DPF3: variants seen among roughly 807,000 people sequenced by gnomAD.
DPF3 encodes the protein double PHD fingers 3, also known as zinc finger protein DPF3.
Under a neutral mutation model 56.8 loss-of-function variants are expected in DPF3, and 18 were observed. The ratio of observed to expected loss-of-function variants is 0.32; its 90% confidence interval spans 0.22 to 0.47. The LOEUF (loss-of-function observed/expected upper bound fraction) is 0.47. Among genes scored for constraint, DPF3 ranks in the 20% least tolerant of loss-of-function variants. The pLI is 1.00. For synonymous variants in DPF3, 188 were observed against 180.2 expected (o/e 1.04, Z -0.35); for missense variants, 403 against 488.8 (o/e 0.82, Z 1.65).
intron 1 of DPF3, among the ~76,000 whole-genome samples, chr14:72,865,087 C>A (rs10146616): frequency 0.69 from 105,609 of 152,090 alleles, 38,334 homozygotes; most frequent in East Asian, 0.9. Context: ...GGAGGACATC[C>A]AGGCAGTAGA....
chr14:72,839,579 T>G (rs1884462926), intron 1 of DPF3, among the ~76,000 whole-genome samples: 1 of 152,158 alleles, frequency 6.6e-6, no homozygotes, highest in African/African-American at 2.4e-5. Flanking sequence ...TTGGCCAAAG[T>G]GTCCTCCTTT....
intron 1 of DPF3, among the ~76,000 whole-genome samples, chr14:72,850,339 C>T (rs760140264): frequency 6.6e-6 from 1 of 152,074 alleles, no homozygotes; most frequent in Non-Finnish European, 1.5e-5. Flanking sequence ...CCCTATTCTT[C>T]GTCTCCTACA....
chr14:72,614,894 T>A lies in DPF3; in HGVS notation c.*4403A>T. On this transcript the variant is annotated 3_prime_UTR_variant, in exon 11 of 11. Coordinates refer to ENST00000556509, the MANE Select transcript of DPF3 (RefSeq NM_001280542.3). ...CTCTGCCTTTTTCCACCAGAGATCC[T>A]CACCCCTCCCAAATGCCCTCCCACC... is the stretch of plus-strand genomic sequence containing the variant. 6.7e-6 allele frequency among the ~76,000 whole-genome samples: 1 copy of A among 150,216 alleles called. No homozygotes were observed. Among genetic ancestry groups the A allele is most frequent in the East Asian group, 2.0e-4 (1 of 5,032 alleles).
chr14:72,716,886 C>G (rs1475786908), intron 5 of DPF3, among the ~76,000 whole-genome samples: 2 of 152,144 alleles, frequency 1.3e-5, no homozygotes, highest in Non-Finnish European at 2.9e-5. Flanking sequence ...CTGAGCTGTT[C>G]AAAGAACCCA....
chr14:72,745,131 T>C (rs554109119), intron 3 of DPF3, among the ~76,000 whole-genome samples: 2 of 152,204 alleles, frequency 1.3e-5, no homozygotes, highest in South Asian at 2.1e-4. Context: ...GGTTGGTTGG[T>C]TGGGTTCTTT....
At chr14:72,869,468 C>T (rs768860389) in intron 1 of DPF3, among the ~76,000 whole-genome samples, 14 of 152,134 alleles carry the variant, frequency 9.2e-5, no homozygotes, top group South Asian at 2.1e-4. Flanking sequence ...AAAAGTGAGA[C>T]GCATGCTTGA....
At chr14:72,733,726 A>G (rs551147226) in intron 3 of DPF3, among the ~76,000 whole-genome samples, 1 of 152,136 alleles carries the variant, frequency 6.6e-6, no homozygotes, top group African/African-American at 2.4e-5. Flanking sequence ...GCAAATGGAA[A>G]GAGCAGCACC....
At chr14:72,747,551 C>T (rs1025563403) in intron 3 of DPF3, among the ~76,000 whole-genome samples, 6 of 151,500 alleles carry the variant, frequency 4.0e-5, no homozygotes, top group Admixed American at 1.3e-4. Flanking sequence ...TTTTGGGAGG[C>T]CCGAGGCAGG....
chr14:72,790,820 C>T (rs147915940), intron 1 of DPF3, among the ~76,000 whole-genome samples: 13 of 152,278 alleles, frequency 8.5e-5, no homozygotes, highest in African/African-American at 2.6e-4. Context: ...TCAAGAGCCC[C>T]ATCGCCTCTT....
intron 5 of DPF3, among the ~76,000 whole-genome samples, chr14:72,721,893 A>C (rs529294645): frequency 1.2e-4 from 18 of 152,302 alleles, no homozygotes; most frequent in African/African-American, 4.3e-4. Context: ...CAAGACAAAC[A>C]ACCCAAATTC....
At position 72,847,137 on chromosome 14, in the gene DPF3, C is replaced by T. The variant is rs150008638; in HGVS notation, c.32+46920G>A. ...ATCCAGGAGGGATTCCCCAGATATC[C>T]GTGAGTTGGTGTTTGACTTTCTTGA... On this transcript the variant is annotated intron_variant, in intron 1 of 10. Transcript: ENST00000556509. Among the ~76,000 whole-genome samples, 23 of 152,258 alleles carry T rather than the reference C, an allele frequency of 1.5e-4. No homozygotes were observed. The East Asian group carries it at 2.5e-3, about 17-fold the overall frequency.
chr14:72,856,589 A>T (rs1031382101), intron 1 of DPF3, among the ~76,000 whole-genome samples: 4 of 152,206 alleles, frequency 2.6e-5, no homozygotes, highest in African/African-American at 9.7e-5. Flanking sequence ...TCCCACCCAC[A>T]GGAGATAATA....
rs531195108 is a variant in DPF3, at chr14:72,813,706, A to T, written c.33-41813T>A. ...TGCTCACTAGCGGCTGACCCCAGGC[A>T]GGGCACTTAACCTTTATGAATCTCA... On this transcript the variant is annotated intron_variant, in intron 1 of 10. Coordinates refer to ENST00000556509, the MANE Select transcript of DPF3 (RefSeq NM_001280542.3). 5.3e-5 allele frequency among the ~76,000 whole-genome samples: 8 copies of T among 152,366 alleles called. No homozygotes were observed. The South Asian group carries it at 1.7e-3, about 32-fold the overall frequency.
At chr14:72,804,549 AG>A (rs1893013792) in intron 1 of DPF3, among the ~76,000 whole-genome samples, 2 of 152,220 alleles carry the variant, frequency 1.3e-5, no homozygotes, top group Non-Finnish European at 2.9e-5. Context: ...TGATTATTTA[AG>A]CACAAGGCCT....
rs1044959488 is a variant in DPF3, at chr14:72,738,270, G to A, written c.302-6336C>T. ...CCCTGTTTTGTGACTCATAAAGCTC[G>A]AAATAGATGAGGTTCACATTGAGGA... On this transcript the variant is annotated intron_variant, in intron 3 of 10. Transcript: ENST00000556509. 5.3e-5 allele frequency among the ~76,000 whole-genome samples: 8 copies of A among 152,076 alleles called. 1 individual carries two copies. The highest frequency in any genetic ancestry group is 2.9e-5 in the Non-Finnish European group (2 of 67,998).
At chr14:72,720,856 A>C (rs761625255) in intron 5 of DPF3, among the ~76,000 whole-genome samples, 2 of 152,240 alleles carry the variant, frequency 1.3e-5, no homozygotes, top group Non-Finnish European at 2.9e-5. Context: ...CACACTCATC[A>C]TTTTAAAATT....
chr14:72,783,955 C>T (rs184206161), intron 1 of DPF3, among the ~76,000 whole-genome samples: 124 of 152,262 alleles, frequency 8.1e-4, no homozygotes, highest in African/African-American at 2.5e-3. Context: ...ATCCGGAGGG[C>T]GCAGTCTCCC....
chr14:72,700,587 G>A (rs1364671821), intron 6 of DPF3, among the ~76,000 whole-genome samples: 1 of 152,188 alleles, frequency 6.6e-6, no homozygotes, highest in African/African-American at 2.4e-5. Context: ...TAGCTGCTCA[G>A]TAGTCATCAT....
At chr14:72,740,363 G>T (rs1019454601) in intron 3 of DPF3, among the ~76,000 whole-genome samples, 1 of 152,244 alleles carries the variant, frequency 6.6e-6, no homozygotes, top group African/African-American at 2.4e-5. Flanking sequence ...GAGCAGATGT[G>T]GGGTGACCAG....
Sources: allele counts gnomAD v4.1 joint callset (sites outside exome capture counted in the v4.1 genomes callset), GRCh38; gene constraint gnomAD v4.1.1; transcripts MANE v1.5; gene names NCBI Gene and HGNC (gene_info 2026-07-23, HGNC 2026-07-21).